STXBP5L: variants seen among roughly 807,000 people sequenced by gnomAD.
STXBP5L encodes the protein syntaxin-binding protein 5-like.
A neutral mutation model predicts 144.5 loss-of-function variants in STXBP5L; 65 were observed. The ratio of observed to expected loss-of-function variants is 0.45; its 90% CI spans 0.37 to 0.55. The LOEUF (loss-of-function observed/expected upper bound fraction) is 0.55, where lower values mean the gene tolerates loss of function less well. STXBP5L is among the 20% of genes least tolerant of loss of function. STXBP5L has a pLI of 0.00. For missense variants in STXBP5L, 1,298 were observed against 1,405.5 expected, an observed-to-expected ratio of 0.92 and a Z score of 1.22; for synonymous variants, 505 against 469.6, an observed-to-expected ratio of 1.08 and a Z score of -0.97.
At chr3:121,104,003 AC>A (rs1455332130) in intron 5 of STXBP5L, among the ~76,000 whole-genome samples, 2 of 152,178 alleles carry the variant, frequency 1.3e-5, no homozygotes, top group Non-Finnish European at 2.9e-5. Flanking sequence ...TTTCTGAAGG[AC>A]TATGAGTGTG....
chr3:121,279,672 G>A, intron 18 of STXBP5L, 133 bp from the exon 19 acceptor site: 2 of 978,958 alleles, frequency 2.0e-6, no homozygotes, highest in Non-Finnish European at 3.0e-6. Flanking sequence ...CATCCTTCTT[G>A]ACTTTACACA....
At chr3:121,054,573 A>G (rs1948303936) in intron 5 of STXBP5L, among the ~76,000 whole-genome samples, 1 of 118,490 alleles carries the variant, frequency 8.4e-6, no homozygotes, top group African/African-American at 3.4e-5. Context: ...GGAACATCAC[A>G]CTCCAGGGCC....
chr3:120,943,110 A>C (rs1710652432), intron 2 of STXBP5L, among the ~76,000 whole-genome samples: 1 of 151,586 alleles, frequency 6.6e-6, no homozygotes, highest in Non-Finnish European at 1.5e-5. Flanking sequence ...AGTATGAATA[A>C]TTTTCTGGCT....
At chr3:121,081,958 A>AT (rs2042266926) in intron 5 of STXBP5L, among the ~76,000 whole-genome samples, 1 of 151,938 alleles carries the variant, frequency 6.6e-6, no homozygotes, top group South Asian at 2.1e-4. Flanking sequence ...AAGATTCTTT[A>AT]TTTTTTTCTA....
rs558895173 is a variant in STXBP5L at position 121,330,432 on chromosome 3, G to A, written c.2176+11892G>A. 5.3e-5 allele frequency among the ~76,000 whole-genome samples: 8 copies of A among 152,276 alleles called. No individual in the cohort carries two copies. In the East Asian group the frequency reaches 1.3e-3, roughly 26 times the overall value. On this transcript the variant is annotated intron_variant, in intron 20 of 26. Coordinates refer to ENST00000471454, the MANE Select transcript of STXBP5L (RefSeq NM_001308330.2). ...TTGCACCCACATGTGGAGAGCTAGA[G>A]TGCAGACTTAACCTGACCCAGCCAC...
At chr3:120,939,195 A>G (rs1710426108) in intron 2 of STXBP5L, among the ~76,000 whole-genome samples, 1 of 152,154 alleles carries the variant, frequency 6.6e-6, no homozygotes, top group Non-Finnish European at 1.5e-5. Flanking sequence ...AGTGTTTTTC[A>G]TTGTGTCTAG....
intron 3 of STXBP5L, among the ~76,000 whole-genome samples, chr3:121,005,122 A>G (rs1308450398): frequency 6.6e-6 from 1 of 152,164 alleles, no homozygotes; most frequent in East Asian, 1.9e-4. Context: ...TTTCAGAAGG[A>G]ATGTTACCAG....
chr3:120,929,137 T>C (rs921786155), intron 2 of STXBP5L, among the ~76,000 whole-genome samples: 8 of 152,160 alleles, frequency 5.3e-5, no homozygotes, highest in African/African-American at 1.9e-4. Context: ...CTAGTCAGTA[T>C]TGAGTTGGAA....
intron 20 of STXBP5L, among the ~76,000 whole-genome samples, chr3:121,360,648 A>G (rs1022700386): frequency 2.0e-5 from 3 of 152,154 alleles, no homozygotes; most frequent in African/African-American, 7.2e-5. Flanking sequence ...CACTATTTGC[A>G]TAAACCAACA....
intron 4 of STXBP5L, among the ~76,000 whole-genome samples, chr3:121,042,553 AT>A (rs1253473111): frequency 1.3e-5 from 2 of 152,140 alleles, no homozygotes; most frequent in Admixed American, 1.3e-4. Flanking sequence ...TCGGAAAAAA[AT>A]GTTTGGTTAT....
At chr3:121,068,997 C>G (rs916864890) in intron 5 of STXBP5L, among the ~76,000 whole-genome samples, 4 of 152,022 alleles carry the variant, frequency 2.6e-5, no homozygotes, top group African/African-American at 9.7e-5. Context: ...GTCGTACATG[C>G]ACTCGTGTGT....
chr3:120,928,639 AGTGTGTGTGTGTGT>A (rs71133519), intron 2 of STXBP5L, among the ~76,000 whole-genome samples: 14,833 of 147,222 alleles, frequency 0.1, 1,142 homozygotes, highest in Admixed American at 0.21. Flanking sequence ...TGGTATACAG[AGTGTGTGTGTGTGT>A]GTGTGTGTGT....
At chr3:121,284,526 A>C (rs1476440201) in intron 19 of STXBP5L, among the ~76,000 whole-genome samples, 1 of 152,036 alleles carries the variant, frequency 6.6e-6, no homozygotes, top group African/African-American at 2.4e-5. Context: ...TGCCTTTCCA[A>C]ATGCATGACA....
intron 9 of STXBP5L, among the ~76,000 whole-genome samples, chr3:121,182,712 G>A (rs1452355490): frequency 6.6e-6 from 1 of 152,082 alleles, no homozygotes; most frequent in Non-Finnish European, 1.5e-5. Flanking sequence ...ACAAAAAGCT[G>A]GTTCTTTGAA....
intron 5 of STXBP5L, among the ~76,000 whole-genome samples, chr3:121,092,279 T>G (rs2042851368): frequency 6.6e-6 from 1 of 151,892 alleles, no homozygotes; most frequent in Non-Finnish European, 1.5e-5. Flanking sequence ...CATATGAACT[T>G]TAAAGTAGTG....
At chr3:121,028,531 C>T (rs1221677096) in intron 3 of STXBP5L, among the ~76,000 whole-genome samples, 2 of 152,138 alleles carry the variant, frequency 1.3e-5, no homozygotes, top group African/African-American at 2.4e-5. Context: ...CAGGTTGTCC[C>T]TTACATTTTC....
intron 2 of STXBP5L, among the ~76,000 whole-genome samples, chr3:120,914,076 G>T (rs1189106840): frequency 6.6e-6 from 1 of 151,914 alleles, no homozygotes; most frequent in Non-Finnish European, 1.5e-5. Context: ...ATTGTAGGAG[G>T]ATTTAATTAA....
chr3:120,975,389 A>T (rs1324502069), intron 3 of STXBP5L, among the ~76,000 whole-genome samples: 1 of 152,078 alleles, frequency 6.6e-6, no homozygotes, highest in Non-Finnish European at 1.5e-5. Flanking sequence ...TTGCACATTG[A>T]TTTTGTATCC....
chr3:120,946,569 G>A (rs1326197488), intron 2 of STXBP5L, among the ~76,000 whole-genome samples: 5 of 151,604 alleles, frequency 3.3e-5, no homozygotes, highest in Non-Finnish European at 5.9e-5. Flanking sequence ...GTATAGAAGG[G>A]AAAAATGCAG....
Sources: allele counts gnomAD v4.1 joint callset (sites outside exome capture counted in the v4.1 genomes callset), GRCh38; gene constraint gnomAD v4.1.1; transcripts MANE v1.5; gene names NCBI Gene and HGNC (gene_info 2026-07-23, HGNC 2026-07-21).